The following SLC12A6 variants were observed in gnomAD, a reference collection of about 807,000 sequenced individuals.
SLC12A6 encodes K-Cl cotransporter 3.
In SLC12A6, 66 loss-of-function variants were observed where a neutral mutation model predicts 135.3. The ratio of observed to expected loss-of-function variants is 0.49; its 90% confidence interval spans 0.40 to 0.60. The LOEUF (loss-of-function observed/expected upper bound fraction) is 0.60. Among genes scored for constraint, SLC12A6 ranks in the 20% least tolerant of loss-of-function variants. The probability of loss-of-function intolerance (pLI) is 0.00; values close to 1 mark genes in which losing one functional copy is unlikely to be tolerated. For synonymous variants in SLC12A6, 513 were observed against 508.8 expected (o/e 1.01, Z -0.11); for missense variants, 1,058 against 1,452.3 (o/e 0.73, Z 4.41).
intron 2 of SLC12A6, among the ~76,000 whole-genome samples, chr15:34,295,677 T>A (rs940461343): frequency 1.3e-5 from 2 of 152,172 alleles, no homozygotes; most frequent in East Asian, 3.8e-4. Context: ...TTTGATACAT[T>A]TATAGTGTGG....
intron 3 of SLC12A6, among the ~76,000 whole-genome samples, chr15:34,267,394 G>A (rs1893601117): frequency 1.3e-5 from 2 of 152,076 alleles, no homozygotes; most frequent in South Asian, 4.1e-4. Flanking sequence ...CTTTCTTGAG[G>A]TATATTCCTT....
chr15:34,311,912 C>T (rs554037956), intron 2 of SLC12A6, among the ~76,000 whole-genome samples: 2 of 152,306 alleles, frequency 1.3e-5, no homozygotes, highest in East Asian at 1.9e-4. Flanking sequence ...CTCTGAGATA[C>T]CTGTCCAGGG....
At chr15:34,297,404 T>C (rs1184253861) in intron 2 of SLC12A6, among the ~76,000 whole-genome samples, 2 of 152,240 alleles carry the variant, frequency 1.3e-5, no homozygotes, top group Non-Finnish European at 2.9e-5. Context: ...TCTAAAAGAC[T>C]GAATTTAGGG....
intron 2 of SLC12A6, among the ~76,000 whole-genome samples, chr15:34,305,260 T>C (rs1423905976): frequency 6.6e-6 from 1 of 152,212 alleles, no homozygotes; most frequent in East Asian, 1.9e-4. Context: ...CTGAAGTCTT[T>C]AGCTCAGGAA....
At chr15:34,265,813 G>A (rs1893473673) in intron 3 of SLC12A6, among the ~76,000 whole-genome samples, 1 of 152,106 alleles carries the variant, frequency 6.6e-6, no homozygotes, top group Non-Finnish European at 1.5e-5. Flanking sequence ...AGATCCTAAA[G>A]CAGAACCAAT....
intron 12 of SLC12A6, 28 bp from the exon 13 acceptor site, chr15:34,250,383 T>C (rs376577602): frequency 4.9e-6 from 7 of 1,416,660 alleles, no homozygotes; most frequent in African/African-American, 1.4e-5. Context: ...AAGGAAACTG[T>C]TGTTTACCCT....
chr15:34,296,641 G>C (rs1051357462), intron 2 of SLC12A6, among the ~76,000 whole-genome samples: 2 of 152,172 alleles, frequency 1.3e-5, no homozygotes, highest in Non-Finnish European at 2.9e-5. Flanking sequence ...CTGGTGCATG[G>C]AACTACACAG....
chr15:34,317,779 G>C (rs1483651040), intron 2 of SLC12A6, among the ~76,000 whole-genome samples: 2 of 152,066 alleles, frequency 1.3e-5, no homozygotes, highest in Non-Finnish European at 2.9e-5. Flanking sequence ...AACTAAAGAC[G>C]CTGCTCACGA....
chr15:34,319,651 T>G (rs1888918320), intron 2 of SLC12A6, among the ~76,000 whole-genome samples: 2 of 151,610 alleles, frequency 1.3e-5, no homozygotes, highest in African/African-American at 4.8e-5. Flanking sequence ...ATACAAAAAT[T>G]AGCCAGGCGT....
chr15:34,330,527 G>A (rs1422894871), intron 2 of SLC12A6, among the ~76,000 whole-genome samples: 4 of 151,910 alleles, frequency 2.6e-5, no homozygotes, highest in Non-Finnish European at 5.9e-5. Flanking sequence ...AAATTAGCTG[G>A]TCATAGTGGT....
intron 2 of SLC12A6, among the ~76,000 whole-genome samples, chr15:34,315,658 TA>T (rs1888590496): frequency 6.6e-6 from 1 of 152,182 alleles, no homozygotes; most frequent in Non-Finnish European, 1.5e-5. Flanking sequence ...ATAGTATAAA[TA>T]AATATCATTT....
At chr15:34,321,541 G>A (rs997885292) in intron 2 of SLC12A6, among the ~76,000 whole-genome samples, 1 of 152,112 alleles carries the variant, frequency 6.6e-6, no homozygotes, top group Non-Finnish European at 1.5e-5. Context: ...CTGTTGTTGG[G>A]GGTATAAATT....
At chr15:34,262,961 T>A (rs1893254898) in intron 3 of SLC12A6, among the ~76,000 whole-genome samples, 1 of 152,150 alleles carries the variant, frequency 6.6e-6, no homozygotes, top group South Asian at 2.1e-4. Context: ...TGGGCATGGA[T>A]GTTGCTGGCT....
At chr15:34,296,745 G>T (rs897622925) in intron 2 of SLC12A6, among the ~76,000 whole-genome samples, 8 of 152,066 alleles carry the variant, frequency 5.3e-5, no homozygotes, top group African/African-American at 1.9e-4. Flanking sequence ...TTTTTGCCAA[G>T]AGCATGGCAG....
intron 2 of SLC12A6, among the ~76,000 whole-genome samples, chr15:34,310,938 C>T (rs1202720946): frequency 1.3e-5 from 2 of 152,002 alleles, no homozygotes; most frequent in Non-Finnish European, 2.9e-5. Context: ...TTTTTTAGAA[C>T]ATAAGCTTTC....
rs1891263020 is a variant in SLC12A6, at chr15:34,236,344, A to G, written c.3043-145T>C. On this transcript the variant is annotated intron_variant, in intron 23 of 25. Transcript: ENST00000354181. ...TCATCCTTGAAAACAATATAGTATC[A>G]TCCCTTTTTTTTTTGGTTTGAGACA... is the stretch of plus-strand genomic sequence containing the variant. 6 of 705,410 alleles carry G rather than the reference A, an allele frequency of 8.5e-6. No homozygotes were observed. The Admixed American group carries it at 9.1e-5, about 11-fold the overall frequency. 43.7% of individuals were successfully genotyped at this position (705,410 alleles called of 1,614,324 possible). A position where few individuals can be genotyped will look rare whatever the true frequency, so the allele number is the denominator to read the frequency against.
At position 34,232,228 on chromosome 15, in the gene SLC12A6, G is replaced by A. The variant is rs1398384472; in HGVS notation, c.*1653C>T. ...GCTGAGCTTACACAAGTATTTCCTT[G>A]GCACACTGAACTTTCTTTTTGAAAC... On this transcript the variant is annotated 3_prime_UTR_variant, in exon 26 of 26. Coordinates refer to ENST00000354181, the MANE Select transcript of SLC12A6 (RefSeq NM_001365088.1). 1 of 152,028 alleles carries A rather than the reference G, an allele frequency of 6.6e-6. No individual in the cohort carries two copies. The highest frequency in any genetic ancestry group is 1.9e-4 in the East Asian group (1 of 5,186). 9.4% of individuals were successfully genotyped at this position (152,028 alleles called of 1,614,324 possible). A position where few individuals can be genotyped will look rare whatever the true frequency, so the allele number is the denominator to read the frequency against.
chr15:34,303,711 A>T (rs1360657400), intron 2 of SLC12A6, among the ~76,000 whole-genome samples: 1 of 152,146 alleles, frequency 6.6e-6, no homozygotes, highest in East Asian at 1.9e-4. Flanking sequence ...TTATCAAGAG[A>T]GTTTGTAACA....
chr15:34,306,477 C>T (rs1896619942), intron 2 of SLC12A6, among the ~76,000 whole-genome samples: 1 of 152,206 alleles, frequency 6.6e-6, no homozygotes. Flanking sequence ...ATTTTCCAGG[C>T]TCTTGTCTAG....
Sources: allele counts gnomAD v4.1 joint callset (sites outside exome capture counted in the v4.1 genomes callset), GRCh38; gene constraint gnomAD v4.1.1; transcripts MANE v1.5; gene names NCBI Gene and HGNC (gene_info 2026-07-23, HGNC 2026-07-21).